The following IRF2 variants were observed in gnomAD, a reference collection of about 807,000 sequenced individuals.
IRF2 encodes interferon regulatory factor 2.
A neutral mutation model predicts 40.6 loss-of-function variants in IRF2; 15 were observed. The observed-to-expected ratio is 0.37, with a 90% confidence interval of 0.25 to 0.57. IRF2 has a LOEUF of 0.57. Among genes scored for constraint, IRF2 ranks in the 20% least tolerant of loss-of-function variants. IRF2 has a pLI of 0.77. For synonymous variants in IRF2, 151 were observed against 165.5 expected, an observed-to-expected ratio of 0.91 and a Z score of 0.67; for missense variants, 317 against 455.7, an observed-to-expected ratio of 0.70 and a Z score of 2.77.
intron 1 of IRF2, among the ~76,000 whole-genome samples, chr4:184,450,534 T>C (rs984074710): frequency 6.6e-6 from 1 of 152,208 alleles, no homozygotes; most frequent in African/African-American, 2.4e-5. Context: ...AAAAATACTT[T>C]TCCTAAATAT....
chr4:184,407,478 A>G (rs1175054039), intron 6 of IRF2, among the ~76,000 whole-genome samples: 3 of 152,218 alleles, frequency 2.0e-5, no homozygotes, highest in Non-Finnish European at 2.9e-5. Flanking sequence ...AAGTTGTTCA[A>G]CTGTTACGAA....
At chr4:184,456,118 G>A (rs1479747784) in intron 1 of IRF2, among the ~76,000 whole-genome samples, 1 of 152,208 alleles carries the variant, frequency 6.6e-6, no homozygotes, top group African/African-American at 2.4e-5. Flanking sequence ...TGATCACACT[G>A]ATCACGGGCG....
At chr4:184,426,799 A>T (rs920633511) in intron 2 of IRF2, among the ~76,000 whole-genome samples, 9 of 152,238 alleles carry the variant, frequency 5.9e-5, no homozygotes, top group African/African-American at 1.9e-4. Context: ...GAAGCAGACC[A>T]CTTGCTTCTC....
At chr4:184,394,745 C>T (rs114842709) in intron 7 of IRF2, among the ~76,000 whole-genome samples, 1,575 of 152,222 alleles carry the variant, frequency 0.01, 17 homozygotes, top group Admixed American at 0.017. Flanking sequence ...CTGTGGTTTT[C>T]TTCTACTAAA....
intron 1 of IRF2, among the ~76,000 whole-genome samples, chr4:184,449,784 C>G (rs1369846562): frequency 6.6e-6 from 1 of 151,776 alleles, no homozygotes; most frequent in East Asian, 1.9e-4. Context: ...CATGGGAATT[C>G]ACTAGAAATG....
At chr4:184,441,428 T>A (rs896949965) in intron 1 of IRF2, among the ~76,000 whole-genome samples, 1 of 152,184 alleles carries the variant, frequency 6.6e-6, no homozygotes, top group African/African-American at 2.4e-5. Flanking sequence ...AGGTGTCTGG[T>A]GGAAAGAAAA....
intron 6 of IRF2, 97 bp from the exon 7 acceptor site, chr4:184,399,176 C>G: frequency 1.5e-6 from 2 of 1,303,080 alleles, no homozygotes; most frequent in Non-Finnish European, 2.1e-6. Context: ...GCCAGGTCGC[C>G]AGGCTCCCAT....
rs1427979720 is a variant in IRF2, at chr4:184,408,365, A to G, written c.412-90T>C. 9 of 809,508 alleles carry G rather than the reference A, an allele frequency of 1.1e-5. No homozygotes were observed. The highest frequency in any genetic ancestry group is 1.9e-5 in the Non-Finnish European group (9 of 469,138). 50.1% of individuals were successfully genotyped at this position (809,508 alleles called of 1,614,324 possible). A position where few individuals can be genotyped will look rare whatever the true frequency, so the allele number is the denominator to read the frequency against. On this transcript the variant is annotated intron_variant, in intron 5 of 8. Transcript: ENST00000393593. The surrounding 1 kb of genome is among the most constrained non-coding windows in gnomAD (Gnocchi z 4.9). Reference sequence around the variant, plus strand: ...ATTCTACCCTCTGCCTACTTTCTTTAATGCTAGGGTCATTCATGTTCAGCT... The same window carrying G: ...ATTCTACCCTCTGCCTACTTTCTTTGATGCTAGGGTCATTCATGTTCAGCT...
chr4:184,437,950 G>C (rs1247247592), intron 1 of IRF2, among the ~76,000 whole-genome samples: 1 of 152,058 alleles, frequency 6.6e-6, no homozygotes, highest in African/African-American at 2.4e-5. Flanking sequence ...AGTTCCTCCT[G>C]CAAGTTCCTC....
chr4:184,401,096 G>A (rs1383902893), intron 6 of IRF2, among the ~76,000 whole-genome samples: 1 of 152,248 alleles, frequency 6.6e-6, no homozygotes. Flanking sequence ...TATATGTGGT[G>A]CTCTATGTTG....
rs1561098505 is a variant in IRF2, at chr4:184,418,219, G to T, written c.365-6C>A. 1 of 1,610,954 alleles carries T rather than the reference G, an allele frequency of 6.2e-7. No individual in the cohort carries two copies. Among genetic ancestry groups the T allele is most frequent in the East Asian group, 2.2e-5 (1 of 44,862 alleles). On this transcript the variant is annotated splice_polypyrimidine_tract_variant and splice_region_variant and intron_variant, in intron 4 of 8. Coordinates refer to ENST00000393593, the MANE Select transcript of IRF2 (RefSeq NM_002199.4). ...TTCTGTCTTTGGTTTCTTTCCTGTG[G>T]CAACAAAAATGTAGTTTTGGATTAA... is the stretch of plus-strand genomic sequence containing the variant.
At chr4:184,432,315 G>C (rs944377624) in intron 1 of IRF2, among the ~76,000 whole-genome samples, 3 of 152,244 alleles carry the variant, frequency 2.0e-5, no homozygotes, top group African/African-American at 7.2e-5. Flanking sequence ...GCCACACTCT[G>C]CCTTCCCGCT....
chr4:184,420,627 G>A (rs1348726294), intron 2 of IRF2, among the ~76,000 whole-genome samples: 1 of 152,192 alleles, frequency 6.6e-6, no homozygotes, highest in African/African-American at 2.4e-5. Flanking sequence ...CCATGGTTTA[G>A]TAACAAAGCC....
At chr4:184,418,493 A>G (rs1377054001) in intron 4 of IRF2, 39 bp downstream of exon 4, 1 of 1,585,206 alleles carries the variant, frequency 6.3e-7, no homozygotes, top group South Asian at 1.1e-5. Flanking sequence ...ACGATGACAC[A>G]AATTGATTTA....
At chr4:184,443,990 T>C (rs879694321) in intron 1 of IRF2, among the ~76,000 whole-genome samples, 7 of 152,286 alleles carry the variant, frequency 4.6e-5, no homozygotes, top group Non-Finnish European at 8.8e-5. Flanking sequence ...CCTACCCTTA[T>C]TCATCATGGA....
At chr4:184,412,543 C>CT (rs3836657) in intron 5 of IRF2, among the ~76,000 whole-genome samples, 16,208 of 152,242 alleles carry the variant, frequency 0.11, 1,055 homozygotes, top group South Asian at 0.15. Context: ...AAGGACATCT[C>CT]TAAGTCTCTG....
intron 2 of IRF2, among the ~76,000 whole-genome samples, chr4:184,421,990 C>T (rs1737500203): frequency 6.6e-6 from 1 of 152,082 alleles, no homozygotes; most frequent in African/African-American, 2.4e-5. Flanking sequence ...GTGTCGTTCT[C>T]GTGGTAATGA....
chr4:184,459,406 C>T (rs144645988), intron 1 of IRF2, among the ~76,000 whole-genome samples: 4 of 152,334 alleles, frequency 2.6e-5, no homozygotes, highest in African/African-American at 7.2e-5. Flanking sequence ...GGCAGGCAAT[C>T]GTTGCTACAG....
At chr4:184,457,327 C>A (rs1738978211) in intron 1 of IRF2, among the ~76,000 whole-genome samples, 1 of 152,190 alleles carries the variant, frequency 6.6e-6, no homozygotes, top group Non-Finnish European at 1.5e-5. Context: ...AGGTTTGCAC[C>A]TGAGGTGTTC....
Sources: allele counts gnomAD v4.1 joint callset (sites outside exome capture counted in the v4.1 genomes callset), GRCh38; gene constraint gnomAD v4.1.1; non-coding constraint Gnocchi (gnomAD v3.1); transcripts MANE v1.5; gene names NCBI Gene and HGNC (gene_info 2026-07-23, HGNC 2026-07-21).